SLC9C1: variants seen among roughly 807,000 people sequenced by gnomAD.
SLC9C1 encodes the protein sodium/hydrogen exchanger 10.
A neutral mutation model predicts 140.9 loss-of-function variants in SLC9C1; 97 were observed. That is an observed-to-expected ratio of 0.69 (90% CI 0.58 to 0.82). SLC9C1 has a LOEUF of 0.82. SLC9C1 is among the 40% of genes least tolerant of loss of function. The pLI is 0.00. For synonymous variants in SLC9C1, 440 were observed against 442.6 expected, an observed-to-expected ratio of 0.99 and a Z score of 0.07; for missense variants, 1,340 against 1,389.3, an observed-to-expected ratio of 0.96 and a Z score of 0.56.
At chr3:112,143,365 A>G (rs150032567) in intron 28 of SLC9C1, among the ~76,000 whole-genome samples, 20 of 152,270 alleles carry the variant, frequency 1.3e-4, no homozygotes, top group Non-Finnish European at 2.4e-4. Context: ...CCAACAGTGT[A>G]TACATGTTTC....
At position 112,221,120 on chromosome 3, in the gene SLC9C1, A is replaced by G. The variant is rs183552503; in HGVS notation, c.1670+8T>C. 86 of 1,610,206 alleles carry G rather than the reference A, an allele frequency of 5.3e-5. No individual in the cohort carries two copies. In the African/African-American group the frequency reaches 9.7e-4, roughly 18 times the overall value. ...AGAATAGAAGCCATCTCTTGAGAAT[A>G]TACTTACTTTCCCTTCTTCTCACCA... On this transcript the variant is annotated splice_region_variant and intron_variant, in intron 14 of 28. Coordinates refer to ENST00000305815, the MANE Select transcript of SLC9C1 (RefSeq NM_183061.3).
intron 13 of SLC9C1, among the ~76,000 whole-genome samples, chr3:112,231,033 T>C (rs535676636): frequency 5.3e-4 from 80 of 152,330 alleles, no homozygotes; most frequent in Non-Finnish European, 1.0e-3. Flanking sequence ...AATTGGGATC[T>C]GTCAAATTCC....
intron 8 of SLC9C1, among the ~76,000 whole-genome samples, chr3:112,265,746 C>T (rs906199406): frequency 2.6e-5 from 4 of 152,076 alleles, no homozygotes; most frequent in Non-Finnish European, 5.9e-5. Flanking sequence ...GTCATACTTT[C>T]TTTTATAACA....
intron 2 of SLC9C1, among the ~76,000 whole-genome samples, chr3:112,286,173 A>G (rs1041111009): frequency 1.6e-5 from 2 of 127,186 alleles, no homozygotes; most frequent in African/African-American, 6.1e-5. Flanking sequence ...AAAAGCCCAT[A>G]ACAAATATTT....
chr3:112,191,651 A>C (rs1460140683), intron 20 of SLC9C1, among the ~76,000 whole-genome samples: 1 of 151,948 alleles, frequency 6.6e-6, no homozygotes. Context: ...TTGGTCTATA[A>C]TTTTCTTGTC....
At chr3:112,219,601 CAG>C (rs1218039735) in intron 14 of SLC9C1, among the ~76,000 whole-genome samples, 8 of 152,212 alleles carry the variant, frequency 5.3e-5, no homozygotes, top group Admixed American at 5.2e-4. Flanking sequence ...ATTTTTGAGA[CAG>C]AGCCTTGCTC....
Position 112,182,163 on chromosome 3 carries a change from A to G in SLC9C1, c.2619T>C (p.Asp873=). ...EEVLYHIPWL[D]KNKDYINFIQ... ...TGAAGTTTATATAATCTTTGTTTTTATCTAGCCACGGAATATGATATAGAA... is the reference window on the plus strand; with the variant it reads ...TGAAGTTTATATAATCTTTGTTTTTGTCTAGCCACGGAATATGATATAGAA... Residue 873 remains aspartate, a synonymous_variant, in exon 21 of 29, where the codon GAT becomes GAC. Transcript: ENST00000305815. 1 of 1,578,836 alleles carries G rather than the reference A, an allele frequency of 6.3e-7. No individual in the cohort carries two copies. Among genetic ancestry groups the G allele is most frequent in the South Asian group, 1.2e-5 (1 of 81,450 alleles).
rs1196601205 is a variant in SLC9C1 at position 112,239,734 on chromosome 3, A to G, written c.1446+106T>C. Reference sequence around the variant, plus strand: ...ATAGAGTTATTAACATGACTTCTCTATCAATTACAAATATTAAAACTTGTG... The same window carrying G: ...ATAGAGTTATTAACATGACTTCTCTGTCAATTACAAATATTAAAACTTGTG... On this transcript the variant is annotated intron_variant, in intron 12 of 28. Coordinates refer to ENST00000305815, the MANE Select transcript of SLC9C1 (RefSeq NM_183061.3). The G allele has an allele frequency of 4.4e-6, 5 of 1,129,290 alleles. No individual in the cohort carries two copies. The Admixed American group carries it at 1.5e-4, about 34-fold the overall frequency. 70.0% of individuals were successfully genotyped at this position (1,129,290 alleles called of 1,614,324 possible). A position where few individuals can be genotyped will look rare whatever the true frequency, so the allele number is the denominator to read the frequency against.
chr3:112,275,136 T>C, intron 5 of SLC9C1, 111 bp from the exon 6 acceptor site: 4 of 1,133,302 alleles, frequency 3.5e-6, no homozygotes, highest in Non-Finnish European at 4.7e-6. Flanking sequence ...TAGCTATGGA[T>C]TTACTGTAAG....
intron 20 of SLC9C1, among the ~76,000 whole-genome samples, chr3:112,193,770 G>A (rs1403785338): frequency 6.6e-6 from 1 of 152,122 alleles, no homozygotes; most frequent in African/African-American, 2.4e-5. Context: ...TCTCCTGGTT[G>A]CAGGAGAGAC....
intron 13 of SLC9C1, among the ~76,000 whole-genome samples, chr3:112,228,724 G>A (rs2078744197): frequency 6.6e-6 from 1 of 151,970 alleles, no homozygotes; most frequent in Admixed American, 6.6e-5. Context: ...TTAAAAATGA[G>A]CAAAGGATCT....
chr3:112,141,807 C>T (rs2074632973), intron 28 of SLC9C1, among the ~76,000 whole-genome samples: 1 of 152,160 alleles, frequency 6.6e-6, no homozygotes, highest in Non-Finnish European at 1.5e-5. Flanking sequence ...CTATTCTCAT[C>T]CTTCTAATTC....
intron 20 of SLC9C1, among the ~76,000 whole-genome samples, chr3:112,185,201 G>C (rs1048114093): frequency 2.0e-5 from 3 of 151,914 alleles, no homozygotes; most frequent in Non-Finnish European, 2.9e-5. Flanking sequence ...TAAGGAGATA[G>C]AGGCTGTCAG....
intron 28 of SLC9C1, among the ~76,000 whole-genome samples, chr3:112,150,809 TAAATACATATACATATATATATATA>T (rs2074942637): frequency 5.1e-5 from 5 of 98,844 alleles, no homozygotes; most frequent in African/African-American, 1.6e-4. Flanking sequence ...TATATATATA[TAAATACATATACATATATATATATA>T]TATATATTTT....
chr3:112,205,093 G>A (rs997887766), intron 16 of SLC9C1, among the ~76,000 whole-genome samples: 4 of 151,932 alleles, frequency 2.6e-5, no homozygotes, highest in Non-Finnish European at 5.9e-5. Flanking sequence ...ATTCAGTTAG[G>A]AAAAAAGGAA....
At chr3:112,256,110 T>C (rs1267774004) in intron 10 of SLC9C1, among the ~76,000 whole-genome samples, 1 of 151,916 alleles carries the variant, frequency 6.6e-6, no homozygotes, top group Non-Finnish European at 1.5e-5. Context: ...AAAAAAGCCA[T>C]GGACCAGACA....
At position 112,220,148 on chromosome 3, in the gene SLC9C1, T is replaced by G. The variant is rs1045001232; in HGVS notation, c.1670+980A>C. Among the ~76,000 whole-genome samples, 3 of 152,284 alleles carry G rather than the reference T, an allele frequency of 2.0e-5. No individual in the cohort carries two copies. The East Asian group carries it at 5.8e-4, about 29-fold the overall frequency. On this transcript the variant is annotated intron_variant, in intron 14 of 28. Coordinates refer to ENST00000305815, the MANE Select transcript of SLC9C1 (RefSeq NM_183061.3). ...GCATTATAAATCAAGGAAACAAAAT[T>G]TTAAATAAGATATATTTCATCTTCC...
intron 20 of SLC9C1, chr3:112,185,339 T>TA (rs1230297210): frequency 2.0e-3 from 1,085 of 536,256 alleles, no homozygotes; most frequent in Non-Finnish European, 2.6e-3. Flanking sequence ...AAAAGTCGTG[T>TA]AAAAAAAAAA....
At chr3:112,245,307 TAAAA>T (rs1451506288) in intron 10 of SLC9C1, among the ~76,000 whole-genome samples, 1 of 152,150 alleles carries the variant, frequency 6.6e-6, no homozygotes, top group Non-Finnish European at 1.5e-5. Flanking sequence ...TGTACGTTTT[TAAAA>T]AAATTGGGTT....
Sources: allele counts gnomAD v4.1 joint callset (sites outside exome capture counted in the v4.1 genomes callset), GRCh38; gene constraint gnomAD v4.1.1; transcripts MANE v1.5; gene names NCBI Gene and HGNC (gene_info 2026-07-23, HGNC 2026-07-21).